The following ARHGEF3 variants were observed in gnomAD, a reference collection of about 807,000 sequenced individuals.
ARHGEF3 encodes the protein 59.8 kDA protein.
In ARHGEF3, 28 loss-of-function variants were observed where a neutral mutation model predicts 63.2. That is an observed-to-expected ratio of 0.44 (90% confidence interval 0.33 to 0.61). The LOEUF (loss-of-function observed/expected upper bound fraction) is 0.61. Ranked by LOEUF, ARHGEF3 falls within the 20% of genes least tolerant of loss-of-function variation. ARHGEF3 has a pLI of 0.03. For missense variants in ARHGEF3, 533 were observed against 659.3 expected (o/e 0.81, Z 2.10); for synonymous variants, 266 against 254.2 (o/e 1.05, Z -0.44).
At chr3:56,890,182 A>C (rs2041072403) in intron 3 of ARHGEF3, among the ~76,000 whole-genome samples, 1 of 152,248 alleles carries the variant, frequency 6.6e-6, no homozygotes, top group Admixed American at 6.5e-5. Context: ...CATAAATGAG[A>C]CAGTTCAAAA....
At chr3:57,072,708 A>G (rs1382632441) in intron 1 of ARHGEF3, among the ~76,000 whole-genome samples, 7 of 144,932 alleles carry the variant, frequency 4.8e-5, no homozygotes, top group Non-Finnish European at 1.5e-5. Context: ...CACCCTGGGC[A>G]ACAGAACGAG....
intron 2 of ARHGEF3, among the ~76,000 whole-genome samples, chr3:57,017,153 C>T (rs993103075): frequency 2.0e-5 from 3 of 151,962 alleles, no homozygotes; most frequent in Admixed American, 2.0e-4. Flanking sequence ...GTTTCCTAAA[C>T]AGCAGAGGTA....
At chr3:56,764,305 T>C (rs1288667662) in intron 2 of ARHGEF3, among the ~76,000 whole-genome samples, 1 of 152,192 alleles carries the variant, frequency 6.6e-6, no homozygotes, top group East Asian at 1.9e-4. Context: ...CACCATAAAA[T>C]GGCTTTTGCA....
chr3:56,987,599 G>T (rs1701593064), intron 2 of ARHGEF3, among the ~76,000 whole-genome samples: 1 of 152,174 alleles, frequency 6.6e-6, no homozygotes, highest in Admixed American at 6.5e-5. Flanking sequence ...CTACACTGGG[G>T]TTTTGCTGAG....
At chr3:56,920,420 T>G (rs1447065850) in intron 3 of ARHGEF3, among the ~76,000 whole-genome samples, 2 of 152,198 alleles carry the variant, frequency 1.3e-5, no homozygotes, top group Non-Finnish European at 2.9e-5. Context: ...TCGATATATC[T>G]GAGGGTATTT....
intron 2 of ARHGEF3, among the ~76,000 whole-genome samples, chr3:56,996,681 T>G (rs1254299677): frequency 6.6e-6 from 1 of 152,132 alleles, no homozygotes; most frequent in East Asian, 1.9e-4. Flanking sequence ...CTCTTTATGA[T>G]GTATTGCTAC....
intron 2 of ARHGEF3, among the ~76,000 whole-genome samples, chr3:57,030,956 G>A (rs9841299): frequency 0.071 from 10,860 of 152,162 alleles, 1,353 homozygotes; most frequent in African/African-American, 0.25. Flanking sequence ...TCTCACAAAC[G>A]GAAGCACGGC....
rs990599651 is a variant in ARHGEF3, at chr3:56,920,896, C to CA, written c.129+37926dup. On this transcript the variant is annotated intron_variant, in intron 3 of 12. Coordinates refer to the ARHGEF3 transcript ENST00000338458. Reference sequence around the variant, plus strand: ...TGAAACCCTGTCTCTACTAAAAATACAAAAAAAAATTAGCCAGGCGTGGTG... The same window carrying CA: ...TGAAACCCTGTCTCTACTAAAAATACAAAAAAAAAATTAGCCAGGCGTGGTG... 3.3e-4 allele frequency among the ~76,000 whole-genome samples: 49 copies of CA among 150,336 alleles called. No homozygotes were observed. In the South Asian group the frequency reaches 7.8e-3, roughly 24 times the overall value.
At chr3:56,745,686 T>G (rs1414008910) in intron 6 of ARHGEF3, among the ~76,000 whole-genome samples, 4 of 152,168 alleles carry the variant, frequency 2.6e-5, no homozygotes, top group Admixed American at 6.5e-5. Flanking sequence ...ATTTTTTTTT[T>G]TTTGAGACGG....
At chr3:57,052,779 C>T (rs570703798) in intron 1 of ARHGEF3, among the ~76,000 whole-genome samples, 3 of 152,288 alleles carry the variant, frequency 2.0e-5, no homozygotes, top group East Asian at 3.9e-4. Flanking sequence ...GGCCTGGAAT[C>T]GAAGTGCGTC....
Position 56,755,016 on chromosome 3 carries a change from G to T in ARHGEF3, c.340C>A (p.Gln114Lys). Residue 114 changes from glutamine to lysine, a missense_variant, in exon 3 of 10, where the codon CAG becomes AAG. By Grantham distance (53) the Gln-to-Lys change is moderately conservative. Coordinates refer to ENST00000296315, the MANE Select transcript of ARHGEF3 (RefSeq NM_019555.3). Reference sequence around the variant, plus strand: ...TTGATTTCCTTGGATGTAAGCATCTGATTGACGCACACATCGAAGGTCTCA... The same window carrying T: ...TTGATTTCCTTGGATGTAAGCATCTTATTGACGCACACATCGAAGGTCTCA... ...WSETFDVCVNQMLTSKEIKRQ... is the reference protein window; with the variant it reads ...WSETFDVCVNKMLTSKEIKRQ... The T allele has an allele frequency of 6.2e-7, 1 of 1,614,174 alleles. No homozygotes were observed. Among genetic ancestry groups the T allele is most frequent in the Non-Finnish European group, 8.5e-7 (1 of 1,180,042 alleles).
chr3:57,011,681 G>C (rs1031972131), intron 2 of ARHGEF3, among the ~76,000 whole-genome samples: 8 of 152,172 alleles, frequency 5.3e-5, no homozygotes, highest in Non-Finnish European at 1.0e-4. Flanking sequence ...ACACCAGAAA[G>C]AAAGGTGTCC....
Position 56,801,946 on chromosome 3 carries a change from G to A in ARHGEF3, c.-148C>T, listed in dbSNP as rs2037679155. The A allele has an allele frequency of 1.3e-6, 2 of 1,519,042 alleles. No homozygotes were observed. The highest frequency in any genetic ancestry group is 1.8e-6 in the Non-Finnish European group (2 of 1,135,596). 94.1% of individuals were successfully genotyped at this position (1,519,042 alleles called of 1,614,324 possible). On this transcript the variant is annotated 5_prime_UTR_variant, in exon 1 of 10. Coordinates refer to ENST00000296315, the MANE Select transcript of ARHGEF3 (RefSeq NM_019555.3). The stretch of plus-strand genomic sequence containing the variant: ...GCCGGCTTCTAGCCGGGCAGGACTC[G>A]ACTGGGCTCCGGAGCCGAGTGGGCG...
At position 56,755,025 on chromosome 3, in the gene ARHGEF3, A is replaced by C; in HGVS notation, c.331T>G (p.Cys111Gly). The change falls in exon 3 of 10, where the codon TGC becomes GGC. Residue 111 changes from cysteine (C) to glycine (G), a missense_variant. Around this residue, in one of 4 missense-constraint regions of ARHGEF3, gnomAD observed 160 missense variants for 157.3 expected, o/e 1.02. Transcript: ENST00000296315. ...TTGGATGTAAGCATCTGATTGACGC[A>C]CACATCGAAGGTCTCACTCCACAGC... is the stretch of plus-strand genomic sequence containing the variant. ...SKLWSETFDV[C>G]VNQMLTSKEI... 6.2e-7 allele frequency: 1 copy of C among 1,614,112 alleles called. No homozygotes were observed. The highest frequency in any genetic ancestry group is 1.7e-5 in the Admixed American group (1 of 60,026).
chr3:56,969,430 T>C (rs1253179260), intron 2 of ARHGEF3, among the ~76,000 whole-genome samples: 2 of 152,176 alleles, frequency 1.3e-5, no homozygotes, highest in African/African-American at 4.8e-5. Flanking sequence ...ACATAGCATG[T>C]AGCAATGTGT....
At chr3:56,842,811 C>A (rs1263177769) in intron 4 of ARHGEF3, among the ~76,000 whole-genome samples, 1 of 152,188 alleles carries the variant, frequency 6.6e-6, no homozygotes, top group Non-Finnish European at 1.5e-5. Flanking sequence ...GACATCAAAG[C>A]CCCAGCTGAC....
Position 56,751,293 on chromosome 3 carries a change from A to C in ARHGEF3, c.535+7T>G, listed in dbSNP as rs2034729103. Reference sequence around the variant, plus strand: ...AGTCACGACTCATCCTGGGAACAAAATTATACCTTCATGTAGAGGAATTAG... The same window carrying C: ...AGTCACGACTCATCCTGGGAACAAACTTATACCTTCATGTAGAGGAATTAG... On this transcript the variant is annotated splice_region_variant and intron_variant, in intron 5 of 9. Transcript: ENST00000296315. 2.5e-6 allele frequency: 4 copies of C among 1,608,480 alleles called. No homozygotes were observed. The highest frequency in any genetic ancestry group is 3.4e-6 in the Non-Finnish European group (4 of 1,174,872).
intron 3 of ARHGEF3, among the ~76,000 whole-genome samples, chr3:56,918,530 G>A (rs938517382): frequency 3.9e-5 from 6 of 152,028 alleles, no homozygotes; most frequent in Admixed American, 3.3e-4. Context: ...GCAGGGAGGG[G>A]CAGAGAGAGG....
intron 2 of ARHGEF3, among the ~76,000 whole-genome samples, chr3:57,025,006 G>T (rs114299067): frequency 0.016 from 2,475 of 152,262 alleles, 92 homozygotes; most frequent in African/African-American, 0.057. Flanking sequence ...CACCCTTGAG[G>T]CTTCACTTGA....
Sources: allele counts gnomAD v4.1 joint callset (sites outside exome capture counted in the v4.1 genomes callset), GRCh38; gene constraint gnomAD v4.1.1; regional missense constraint gnomAD v4.1.1; transcripts MANE v1.5; gene names NCBI Gene and HGNC (gene_info 2026-07-23, HGNC 2026-07-21).